ZFYVE28: variants seen among roughly 807,000 people sequenced by gnomAD.
The protein encoded by ZFYVE28 is zinc finger FYVE-type containing 28, also known as lateral signaling target protein 2 homolog.
In ZFYVE28, 40 loss-of-function variants were observed where a neutral mutation model predicts 82.1. The observed-to-expected ratio is 0.49, with a 90% CI of 0.38 to 0.63. ZFYVE28 has a LOEUF of 0.63. Among genes scored for constraint, ZFYVE28 ranks in the 30% least tolerant of loss-of-function variants. The pLI is 0.00. For synonymous variants in ZFYVE28, 612 were observed against 546.1 expected (o/e 1.12, Z -1.68); for missense variants, 1,321 against 1,242.1 (o/e 1.06, Z -0.96).
At position 2,313,367 on chromosome 4, in the gene ZFYVE28, C is replaced by T. The variant is rs547679717; in HGVS notation, c.803+6803G>A. 1.5e-3 allele frequency among the ~76,000 whole-genome samples: 231 copies of T among 152,012 alleles called. 1 individual carries two copies. The highest frequency in any genetic ancestry group is 5.3e-3 in the African/African-American group (220 of 41,476). On this transcript the variant is annotated intron_variant, in intron 7 of 12. Transcript: ENST00000290974. ...CTTCTGCCTCCTGGGCTCAAGCCATCCTCCTACCTCAGCCTCCCAAGTAGC... is the reference window on the plus strand; with the variant it reads ...CTTCTGCCTCCTGGGCTCAAGCCATTCTCCTACCTCAGCCTCCCAAGTAGC...
chr4:2,297,211 C>G (rs1714722472), intron 8 of ZFYVE28, among the ~76,000 whole-genome samples: 2 of 152,260 alleles, frequency 1.3e-5, no homozygotes. Context: ...GGGAGCCAGG[C>G]TGGGGGCCAC....
At chr4:2,365,849 G>A (rs1229265988) in intron 1 of ZFYVE28, among the ~76,000 whole-genome samples, 2 of 152,216 alleles carry the variant, frequency 1.3e-5, no homozygotes, top group Non-Finnish European at 2.9e-5. Context: ...GAGCACACAA[G>A]CACGCATGTT....
chr4:2,324,264 T>C (rs752432590), intron 6 of ZFYVE28, among the ~76,000 whole-genome samples: 1 of 152,182 alleles, frequency 6.6e-6, no homozygotes, highest in Non-Finnish European at 1.5e-5. Flanking sequence ...GGGCCTTCCA[T>C]TAATTGGATG....
rs1223021197 is a variant in ZFYVE28, at chr4:2,416,932, T to A, written c.39+1353A>T. 1.3e-5 allele frequency among the ~76,000 whole-genome samples: 2 copies of A among 152,096 alleles called. No homozygotes were observed. The highest frequency in any genetic ancestry group is 2.9e-5 in the Non-Finnish European group (2 of 68,030). ...CTCAAAGGCCGTGAAGCACGCGCCC[T>A]TCGGGGCCCTGAGTGAGCCCTCAAA... On this transcript the variant is annotated intron_variant, in intron 1 of 12. Coordinates refer to ENST00000290974, the MANE Select transcript of ZFYVE28 (RefSeq NM_020972.3). The surrounding 1 kb of genome is among the most constrained non-coding windows in gnomAD (Gnocchi z 4.6).
intron 8 of ZFYVE28, 29 bp downstream of exon 8, chr4:2,304,259 AC>A: frequency 6.5e-7 from 1 of 1,530,342 alleles, no homozygotes; most frequent in Non-Finnish European, 8.7e-7. Context: ...GAGAGGACAA[AC>A]CCAGTCTCTG....
rs147256860 is a variant in ZFYVE28, at chr4:2,348,135, G to A, written c.180+5798C>T. On this transcript the variant is annotated intron_variant, in intron 2 of 12. Coordinates refer to ENST00000290974, the MANE Select transcript of ZFYVE28 (RefSeq NM_020972.3). Reference sequence around the variant, plus strand: ...ACAGGAACGAGAGAGGTGACATCGCGGTGGATCCTACATATATTAAAAGGA... The same window carrying A: ...ACAGGAACGAGAGAGGTGACATCGCAGTGGATCCTACATATATTAAAAGGA... 3.2e-4 allele frequency among the ~76,000 whole-genome samples: 48 copies of A among 152,130 alleles called. No individual in the cohort carries two copies. In the East Asian group the frequency reaches 4.8e-3, roughly 15 times the overall value.
intron 1 of ZFYVE28, among the ~76,000 whole-genome samples, chr4:2,378,044 C>T (rs935134461): frequency 6.6e-6 from 1 of 152,112 alleles, no homozygotes; most frequent in East Asian, 1.9e-4. Flanking sequence ...CAGTCAAATA[C>T]GGTTATCCTA....
At chr4:2,343,268 A>T (rs1223745597) in intron 2 of ZFYVE28, 2 of 152,202 alleles carry the variant, frequency 1.3e-5, no homozygotes, top group Admixed American at 6.5e-5. Flanking sequence ...AGATACTGCC[A>T]AATGGCTTTC....
chr4:2,325,531 G>A (rs922593045), intron 6 of ZFYVE28, among the ~76,000 whole-genome samples: 32 of 151,516 alleles, frequency 2.1e-4, no homozygotes, highest in African/African-American at 7.0e-4. Flanking sequence ...AACTTCAGTG[G>A]AAATGTATAT....
At chr4:2,294,957 T>A (rs6599425) in intron 8 of ZFYVE28, among the ~76,000 whole-genome samples, 89,509 of 151,172 alleles carry the variant, frequency 0.59, 27,179 homozygotes, top group African/African-American at 0.7. Context: ...CTCTAAAAAA[T>A]TACTTAAAAA....
intron 7 of ZFYVE28, among the ~76,000 whole-genome samples, chr4:2,317,131 G>A (rs1718342117): frequency 6.6e-6 from 1 of 151,832 alleles, no homozygotes; most frequent in Non-Finnish European, 1.5e-5. Flanking sequence ...TGGGATTACA[G>A]GAATGCACCA....
intron 8 of ZFYVE28, among the ~76,000 whole-genome samples, chr4:2,296,263 C>T (rs574431837): frequency 1.3e-5 from 2 of 152,186 alleles, no homozygotes; most frequent in African/African-American, 2.4e-5. Flanking sequence ...CCTTGCAGGG[C>T]GATCACTGTC....
intron 6 of ZFYVE28, among the ~76,000 whole-genome samples, chr4:2,321,224 C>A (rs1032157497): frequency 4.6e-5 from 7 of 152,056 alleles, no homozygotes; most frequent in Admixed American, 4.6e-4. Flanking sequence ...GTAAATGGAG[C>A]ACCACCGGCC....
At chr4:2,329,128 A>G in intron 6 of ZFYVE28, 1 of 699,558 alleles carries the variant, frequency 1.4e-6, no homozygotes, top group South Asian at 1.5e-5. Context: ...GAATTTTAGA[A>G]CACCTTTTCC....
At chr4:2,396,127 C>G (rs1187384296) in intron 1 of ZFYVE28, among the ~76,000 whole-genome samples, 13 of 71,458 alleles carry the variant, frequency 1.8e-4, no homozygotes, top group Admixed American at 3.4e-4. Flanking sequence ...GGCCACAAGG[C>G]GGGGTGTCTG....
Position 2,269,701 on chromosome 4 carries a change from G to A in ZFYVE28, c.*1024C>T, listed in dbSNP as rs940737469. 11 of 152,010 alleles carry A rather than the reference G, an allele frequency of 7.2e-5. No homozygotes were observed. The highest frequency in any genetic ancestry group is 5.2e-4 in the Admixed American group (8 of 15,258). 9.4% of individuals were successfully genotyped at this position (152,010 alleles called of 1,614,324 possible). On this transcript the variant is annotated 3_prime_UTR_variant, in exon 13 of 13. Coordinates refer to ENST00000290974, the MANE Select transcript of ZFYVE28 (RefSeq NM_020972.3). ...TTCCTCCATTATATACTCTCCCCCC[G>A]ACAGAAGCCGTTTCTATGCATATGT...
intron 1 of ZFYVE28, among the ~76,000 whole-genome samples, chr4:2,393,969 G>A (rs1473266840): frequency 1.3e-5 from 2 of 152,190 alleles, no homozygotes; most frequent in African/African-American, 2.4e-5. Context: ...GCAGGTGTCA[G>A]CAGGACCGCG....
At chr4:2,333,090 C>T (rs1720973310) in intron 6 of ZFYVE28, among the ~76,000 whole-genome samples, 1 of 151,918 alleles carries the variant, frequency 6.6e-6, no homozygotes. Context: ...CCCGAGGGGA[C>T]CCCACGCCAG....
rs531711912 is a variant in ZFYVE28 at position 2,335,487 on chromosome 4, G to T, written c.701+218C>A. 1.3e-5 allele frequency among the ~76,000 whole-genome samples: 2 copies of T among 152,272 alleles called. No individual in the cohort carries two copies. The highest frequency in any genetic ancestry group is 4.8e-5 in the African/African-American group (2 of 41,546). On this transcript the variant is annotated intron_variant, in intron 6 of 12. Transcript: ENST00000290974. The surrounding 1 kb of genome is among the most constrained non-coding windows in gnomAD (Gnocchi z 5.8). ...ACCTTGCCCTATCTAGGGTGACAGA[G>T]CCTCCCTCACCAGCAAGGTGAACAG...
Sources: gnomAD v4.1 joint callset for allele counts (sites outside exome capture counted in the v4.1 genomes callset) on GRCh38, gnomAD v4.1.1 for gene constraint, Gnocchi (gnomAD v3.1) non-coding constraint, MANE v1.5 for transcripts, NCBI Gene and HGNC (gene_info 2026-07-23, HGNC 2026-07-21) for gene names.